ANAPC10: variants seen among roughly 807,000 people sequenced by gnomAD.
ANAPC10 encodes anaphase promoting complex subunit 10.
A neutral mutation model predicts 22.0 loss-of-function variants in ANAPC10; 12 were observed. The ratio of observed to expected loss-of-function variants is 0.55; its 90% CI spans 0.35 to 0.88. The LOEUF is 0.88. ANAPC10 is among the 40% of genes least tolerant of loss of function. ANAPC10 has a pLI of 0.01. For missense variants in ANAPC10, 188 were observed against 220.9 expected, an observed-to-expected ratio of 0.85 and a Z score of 0.94; for synonymous variants, 65 against 69.5, an observed-to-expected ratio of 0.94 and a Z score of 0.32.
chr4:145,085,968 A>G (rs6819396), intron 2 of ANAPC10, among the ~76,000 whole-genome samples: 1,963 of 151,932 alleles, frequency 0.013, 47 homozygotes, highest in African/African-American at 0.045. Context: ...GGTTCAAGCA[A>G]TTCCCAGAAG....
intron 4 of ANAPC10, among the ~76,000 whole-genome samples, chr4:145,053,224 T>C (rs1435030301): frequency 6.6e-6 from 1 of 152,214 alleles, no homozygotes; most frequent in Admixed American, 6.5e-5. Context: ...AAAATTCACA[T>C]AGCTACTCAG....
intron 4 of ANAPC10, among the ~76,000 whole-genome samples, chr4:145,015,120 G>A (rs1286839781): frequency 2.0e-5 from 3 of 152,024 alleles, no homozygotes; most frequent in African/African-American, 7.3e-5. Context: ...GAATTTGGGA[G>A]GTTAGTTATT....
intron 2 of ANAPC10, among the ~76,000 whole-genome samples, chr4:145,091,177 T>C (rs1449842968): frequency 6.6e-6 from 1 of 152,212 alleles, no homozygotes; most frequent in Non-Finnish European, 1.5e-5. Flanking sequence ...CTAGTAGCAG[T>C]AACTATTGAT....
intron 4 of ANAPC10, among the ~76,000 whole-genome samples, chr4:145,008,020 CAGA>C (rs1733691530): frequency 2.0e-5 from 3 of 152,112 alleles, no homozygotes; most frequent in South Asian, 4.1e-4. Context: ...ACCGATCCCA[CAGA>C]AGTACAAACT....
chr4:145,096,027 T>C lies in ANAPC10; in HGVS notation c.73A>G (p.Ile25Val). Residue 25 changes from isoleucine to valine, a missense_variant, in exon 2 of 5, where the codon ATT (isoleucine) becomes GTT (valine). Ile to Val is a conservative substitution (Grantham distance 29). Coordinates refer to ENST00000507656, the MANE Select transcript of ANAPC10 (RefSeq NM_001256706.2). ...AGTGACCAAACAGCTTGTGACCCAA[T>C]TTCCCGTACTGTTCCAGTCCTTTCC... Reference protein sequence around the residue: ...QLERTGTVREIGSQAVWSLSS... With the variant: ...QLERTGTVREVGSQAVWSLSS... The C allele has an allele frequency of 2.5e-6, 4 of 1,614,092 alleles. No homozygotes were observed. Among genetic ancestry groups the C allele is most frequent in the Non-Finnish European group, 3.4e-6 (4 of 1,179,970 alleles).
intron 3 of ANAPC10, among the ~76,000 whole-genome samples, chr4:145,078,032 G>T (rs1745435307): frequency 6.6e-6 from 1 of 151,962 alleles, no homozygotes; most frequent in South Asian, 2.1e-4. Flanking sequence ...CAGCAATCAG[G>T]CAAGAGAAAA....
chr4:145,036,995 CGT>C (rs202100756), intron 4 of ANAPC10, among the ~76,000 whole-genome samples: 5,586 of 131,154 alleles, frequency 0.043, 180 homozygotes, highest in African/African-American at 0.1. Flanking sequence ...AAATAGATAA[CGT>C]GTGTGTGTGT....
Position 145,096,126 on chromosome 4 carries a change from A to G in ANAPC10, c.-12-15T>C, listed in dbSNP as rs528807783. On this transcript the variant is annotated splice_polypyrimidine_tract_variant and intron_variant, in intron 1 of 4. Transcript: ENST00000507656. ...TTTAAAATATTCTATGTAGAAAACAAGAATGCACACATTGTATCAGGAACT... is the reference window on the plus strand; with the variant it reads ...TTTAAAATATTCTATGTAGAAAACAGGAATGCACACATTGTATCAGGAACT... The G allele has an allele frequency of 6.2e-6, 10 of 1,608,322 alleles. 1 individual carries two copies. In the South Asian group the frequency reaches 6.7e-5, roughly 11 times the overall value.
intron 4 of ANAPC10, among the ~76,000 whole-genome samples, chr4:145,044,170 G>A (rs1300707819): frequency 6.6e-6 from 1 of 151,988 alleles, no homozygotes; most frequent in African/African-American, 2.4e-5. Flanking sequence ...TTATATTGAT[G>A]ATACATGTAA....
At chr4:145,049,295 T>C (rs907897419) in intron 4 of ANAPC10, among the ~76,000 whole-genome samples, 17 of 152,328 alleles carry the variant, frequency 1.1e-4, no homozygotes, top group African/African-American at 4.1e-4. Context: ...CACTGAAGTT[T>C]ACCTCATTTA....
chr4:145,092,841 T>C (rs1489491796), intron 2 of ANAPC10, among the ~76,000 whole-genome samples: 1 of 152,118 alleles, frequency 6.6e-6, no homozygotes, highest in Non-Finnish European at 1.5e-5. Context: ...AGGACACAAA[T>C]ACAATCCATC....
intron 3 of ANAPC10, among the ~76,000 whole-genome samples, chr4:145,074,962 A>G (rs1402810668): frequency 2.0e-5 from 3 of 152,122 alleles, no homozygotes; most frequent in African/African-American, 7.2e-5. Flanking sequence ...ATGTCCCCCA[A>G]AGTTTTCGGC....
chr4:145,034,831 G>T (rs1240519690), intron 4 of ANAPC10, among the ~76,000 whole-genome samples: 1 of 151,834 alleles, frequency 6.6e-6, no homozygotes, highest in South Asian at 2.1e-4. Flanking sequence ...ATGACTCAAC[G>T]TCTCCCAGGA....
At chr4:145,001,662 C>G (rs951763431) in intron 4 of ANAPC10, among the ~76,000 whole-genome samples, 1 of 152,180 alleles carries the variant, frequency 6.6e-6, no homozygotes, top group Non-Finnish European at 1.5e-5. Context: ...AACCACCCAC[C>G]ACCTTTCCCA....
chr4:145,033,511 T>C (rs903650875), intron 4 of ANAPC10: 3 of 152,184 alleles, frequency 2.0e-5, no homozygotes, highest in African/African-American at 7.2e-5. Context: ...ACTATCAAGA[T>C]GAAATCAGTC....
At chr4:145,073,017 T>C (rs1249616062) in intron 3 of ANAPC10, among the ~76,000 whole-genome samples, 1 of 152,046 alleles carries the variant, frequency 6.6e-6, no homozygotes, top group Admixed American at 6.6e-5. Context: ...GTCAGCTTCC[T>C]GAATAGCTGA....
rs34588686 is a variant in ANAPC10, at chr4:145,044,474, C to A, written c.327+20098G>T. 1.6e-3 allele frequency among the ~76,000 whole-genome samples: 239 copies of A among 152,222 alleles called. 1 individual carries two copies. The highest frequency in any genetic ancestry group is 5.1e-3 in the African/African-American group (211 of 41,548). On this transcript the variant is annotated intron_variant, in intron 4 of 4. Coordinates refer to ENST00000507656, the MANE Select transcript of ANAPC10 (RefSeq NM_001256706.2). ...TTCTATCCTTTGCATTTCCTTCCCCCCAACTCCCACCCACCATGACCCACC... is the reference window on the plus strand; with the variant it reads ...TTCTATCCTTTGCATTTCCTTCCCCACAACTCCCACCCACCATGACCCACC...
chr4:145,029,172 G>A (rs1367853275), intron 4 of ANAPC10, among the ~76,000 whole-genome samples: 1 of 152,078 alleles, frequency 6.6e-6, no homozygotes, highest in Non-Finnish European at 1.5e-5. Flanking sequence ...ACTCTGATGA[G>A]GTTTTTTGCC....
At chr4:145,025,956 C>G (rs1319848638) in intron 4 of ANAPC10, among the ~76,000 whole-genome samples, 3 of 152,136 alleles carry the variant, frequency 2.0e-5, no homozygotes, top group Non-Finnish European at 4.4e-5. Context: ...ACCAGTTAGA[C>G]AGATTAAAGA....
Sources: gnomAD v4.1 joint callset for allele counts (sites outside exome capture counted in the v4.1 genomes callset) on GRCh38, gnomAD v4.1.1 for gene constraint, MANE v1.5 for transcripts, NCBI Gene and HGNC (gene_info 2026-07-23, HGNC 2026-07-21) for gene names.